Variants in KIF14 observed in about 807,000 individuals in gnomAD.
KIF14 encodes kinesin-like protein KIF14.
KIF14 carries 98 observed loss-of-function variants against 176.2 expected under a neutral mutation model. The ratio of observed to expected loss-of-function variants is 0.56; its 90% CI spans 0.47 to 0.66. KIF14 has a LOEUF of 0.66. KIF14 is among the 30% of genes least tolerant of loss of function. The pLI, the probability that KIF14 is intolerant of heterozygous loss-of-function variation, is 0.00. For synonymous variants in KIF14, 566 were observed against 632.2 expected (o/e 0.90, Z 1.57); for missense variants, 1,751 against 1,920.4 (o/e 0.91, Z 1.65).
chr1:200,561,526 G>A (rs954542291), intron 25 of KIF14, among the ~76,000 whole-genome samples: 5 of 150,024 alleles, frequency 3.3e-5, no homozygotes, highest in East Asian at 2.0e-4. Flanking sequence ...GTGACAGAGC[G>A]AGAGACTCTG....
intron 7 of KIF14, 118 bp downstream of exon 7, chr1:200,605,746 G>C (rs1659848519): frequency 1.5e-6 from 1 of 649,902 alleles, no homozygotes; most frequent in Admixed American, 3.5e-5. Context: ...ATCGGTTTGT[G>C]ATAAATTAAG....
intron 20 of KIF14, 86 bp downstream of exon 20, chr1:200,581,115 G>GAAAAAAAAAAAAAAAAAAAAAA (rs368717102): frequency 2.4e-5 from 7 of 291,328 alleles, no homozygotes; most frequent in African/African-American, 8.8e-5. Context: ...CTCTGTCTCA[G>GAAAAAAAAAAAAAAAAAAAAAA]AAAAAAAAAA....
chr1:200,557,908 T>C (rs948084525), intron 27 of KIF14, among the ~76,000 whole-genome samples: 6 of 152,134 alleles, frequency 3.9e-5, no homozygotes, highest in South Asian at 4.1e-4. Flanking sequence ...CAGGTAGCAC[T>C]GCCCCAGCCA....
Position 200,609,420 on chromosome 1 carries a change from G to A in KIF14, c.1456-492C>T, listed in dbSNP as rs143720419. Among the ~76,000 whole-genome samples, 440 of 152,250 alleles carry A rather than the reference G, an allele frequency of 2.9e-3. 1 individual carries two copies. Among genetic ancestry groups the A allele is most frequent in the African/African-American group, 1.0e-2 (414 of 41,544 alleles). ...TCCCAGCACTTTGGGAGGCCGAGGT[G>A]GGAGGATCATTTGAGGTCAGGAGTT... On this transcript the variant is annotated intron_variant, in intron 4 of 29. Transcript: ENST00000367350.
chr1:200,618,074 T>A lies in KIF14; in HGVS notation c.650A>T (p.Asn217Ile). 1 of 1,614,190 alleles carries A rather than the reference T, an allele frequency of 6.2e-7. No homozygotes were observed. Among genetic ancestry groups the A allele is most frequent in the South Asian group, 1.1e-5 (1 of 91,082 alleles). Reference sequence around the variant, plus strand: ...ACTCAGGGAAGCAATGGGTGGTCTATTACTTGAGTACTTAAGTGCAACATT... The same window carrying A: ...ACTCAGGGAAGCAATGGGTGGTCTAATACTTGAGTACTTAAGTGCAACATT... ...NENVALKYSS[N>I]RPPIASLSQT... The change falls in exon 2 of 30, where the codon AAT becomes ATT. Residue 217 changes from asparagine to isoleucine, a missense_variant. Coordinates refer to ENST00000367350, the MANE Select transcript of KIF14 (RefSeq NM_014875.3).
At position 200,573,586 on chromosome 1, in the gene KIF14, G is replaced by A. The variant is rs560874277; in HGVS notation, c.3566+2005C>T. 1.9e-3 allele frequency among the ~76,000 whole-genome samples: 293 copies of A among 152,012 alleles called. 2 individuals are homozygous for A. The highest frequency in any genetic ancestry group is 3.3e-3 in the Non-Finnish European group (221 of 67,954). On this transcript the variant is annotated intron_variant, in intron 22 of 29. Transcript: ENST00000367350. ...CGAGTAGCTGGGACTACAGGCGCCCGCCACCGCGCCCGGCAAGGAGCTCAT... is the reference window on the plus strand; with the variant it reads ...CGAGTAGCTGGGACTACAGGCGCCCACCACCGCGCCCGGCAAGGAGCTCAT...
intron 21 of KIF14, among the ~76,000 whole-genome samples, chr1:200,579,755 A>T (rs1308712541): frequency 6.6e-6 from 1 of 152,196 alleles, no homozygotes; most frequent in African/African-American, 2.4e-5. Flanking sequence ...ATAAAAGATG[A>T]CAAAATAAGA....
intron 5 of KIF14, 55 bp downstream of exon 5, chr1:200,608,775 G>A: frequency 9.3e-7 from 1 of 1,069,676 alleles, no homozygotes; most frequent in Non-Finnish European, 1.4e-6. Flanking sequence ...CAAATAATTA[G>A]ATACATTTAT....
At chr1:200,593,865 G>T in intron 14 of KIF14, 96 bp from the exon 15 acceptor site, 4 of 672,936 alleles carry the variant, frequency 5.9e-6, no homozygotes, top group South Asian at 1.7e-5. Flanking sequence ...CTATTCCTTT[G>T]GTGTTAAGAT....
rs1207521176 is a variant in KIF14, at chr1:200,552,760, T to A, written c.*628A>T. The A allele has an allele frequency of 6.6e-6, 1 of 152,002 alleles. No homozygotes were observed. The highest frequency in any genetic ancestry group is 1.5e-5 in the Non-Finnish European group (1 of 68,004). 9.4% of individuals were successfully genotyped at this position (152,002 alleles called of 1,614,324 possible). On this transcript the variant is annotated 3_prime_UTR_variant, in exon 30 of 30. Coordinates refer to ENST00000367350, the MANE Select transcript of KIF14 (RefSeq NM_014875.3). Reference sequence around the variant, plus strand: ...TAAACTTGTACAGGCCATTTCACCATAAACATCCCAGCTGTCTGAGGAGAG... The same window carrying A: ...TAAACTTGTACAGGCCATTTCACCAAAAACATCCCAGCTGTCTGAGGAGAG...
In KIF14 at chr1:200,600,125, C is replaced by T; in HGVS notation, c.2301-12G>A. 1 of 1,580,222 alleles carries T rather than the reference C, an allele frequency of 6.3e-7. No individual in the cohort carries two copies. Among genetic ancestry groups the T allele is most frequent in the South Asian group, 1.1e-5 (1 of 87,854 alleles). ...TTTCTTTCCACACTCTTTCCAAAGA[C>T]AAAGAAAATAACAGAGTTAAAAACA... is the stretch of plus-strand genomic sequence containing the variant. On this transcript the variant is annotated splice_polypyrimidine_tract_variant and intron_variant, in intron 12 of 29. Transcript: ENST00000367350.
chr1:200,589,116 G>T, intron 18 of KIF14, 101 bp downstream of exon 18: 3 of 889,244 alleles, frequency 3.4e-6, no homozygotes, highest in South Asian at 1.8e-5. Flanking sequence ...TACAAACCTG[G>T]ATTTGGCTCT....
chr1:200,570,854 G>T (rs951255629), intron 22 of KIF14, among the ~76,000 whole-genome samples: 13 of 152,036 alleles, frequency 8.6e-5, no homozygotes, highest in African/African-American at 2.9e-4. Flanking sequence ...TGTCACACAG[G>T]TAACAGGCAT....
intron 14 of KIF14, among the ~76,000 whole-genome samples, chr1:200,596,051 T>C (rs1659321170): frequency 6.6e-6 from 1 of 151,732 alleles, no homozygotes; most frequent in South Asian, 2.1e-4. Flanking sequence ...GGTGGGAGTT[T>C]GAGACCAGCC....
In KIF14 at chr1:200,553,740, T is replaced by C. The variant is rs201935954; in HGVS notation, c.4595A>G (p.Gln1532Arg). The C allele has an allele frequency of 2.5e-6, 4 of 1,606,066 alleles. No homozygotes were observed. The African/African-American group carries it at 5.3e-5, about 21-fold the overall frequency. ...GTTGCGAATACTTTCAACACAAGTC[T>C]GGAGAAGATTTATATCACTATGGCA... ...KGCHSDINLL[Q>R]TCVESIRNLA... Residue 1532 changes from glutamine to arginine, a missense_variant, in exon 30 of 30, where the codon CAG becomes CGG. By Grantham distance (43) the Gln-to-Arg change is conservative. Transcript: ENST00000367350.
At chr1:200,607,513 C>T (rs1659940802) in intron 5 of KIF14, among the ~76,000 whole-genome samples, 1 of 152,142 alleles carries the variant, frequency 6.6e-6, no homozygotes, top group African/African-American at 2.4e-5. Flanking sequence ...CTTTTAAATG[C>T]TCTCTAAAAC....
rs1345701296 is a variant in KIF14 at position 200,618,182 on chromosome 1, A to G, written c.542T>C (p.Leu181Ser). The G allele has an allele frequency of 1.2e-6, 2 of 1,613,792 alleles. No homozygotes were observed. Among genetic ancestry groups the G allele is most frequent in the African/African-American group, 1.3e-5 (1 of 74,924 alleles). The change falls in exon 2 of 30, where the codon TTA (leucine) becomes TCA (serine). Residue 181 changes from leucine (L) to serine (S), a missense_variant. Coordinates refer to ENST00000367350, the MANE Select transcript of KIF14 (RefSeq NM_014875.3). Reference protein sequence around the residue: ...KNSFVASSVPLDEDPQVIEMM... With the variant: ...KNSFVASSVPSDEDPQVIEMM... ...TTCAATGACCTGTGGATCTTCATCT[A>G]AAGGTACAGAAGAGGCAACAAAAGA...
At chr1:200,611,165 T>C (rs1321055092) in intron 4 of KIF14, among the ~76,000 whole-genome samples, 1 of 152,108 alleles carries the variant, frequency 6.6e-6, no homozygotes, top group African/African-American at 2.4e-5. Context: ...AGAAATAAAT[T>C]TCATCCACTG....
intron 14 of KIF14, among the ~76,000 whole-genome samples, chr1:200,594,249 G>T (rs1422556609): frequency 6.6e-6 from 1 of 151,134 alleles, no homozygotes; most frequent in Non-Finnish European, 1.5e-5. Context: ...ATTAGATTTT[G>T]AAGTTTGGTG....
Sources: allele counts gnomAD v4.1 joint callset (sites outside exome capture counted in the v4.1 genomes callset), GRCh38; gene constraint gnomAD v4.1.1; transcripts MANE v1.5; gene names NCBI Gene and HGNC (gene_info 2026-07-23, HGNC 2026-07-21).